The following N4BP2 variants were observed in gnomAD, a reference collection of about 807,000 sequenced individuals.
N4BP2 encodes NEDD4 binding protein 2.
Under a neutral mutation model 152.8 loss-of-function variants are expected in N4BP2, and 91 were observed. The observed-to-expected ratio is 0.60, with a 90% CI of 0.50 to 0.71. N4BP2 has a LOEUF of 0.71. Ranked by LOEUF, N4BP2 falls within the 30% of genes least tolerant of loss-of-function variation. The probability of loss-of-function intolerance (pLI) is 0.00; values close to 1 mark genes in which losing one functional copy is unlikely to be tolerated. For missense variants in N4BP2, 1,923 were observed against 2,059.1 expected, an observed-to-expected ratio of 0.93 and a Z score of 1.28; for synonymous variants, 646 against 705.3, an observed-to-expected ratio of 0.92 and a Z score of 1.33.
intron 7 of N4BP2, among the ~76,000 whole-genome samples, chr4:40,115,787 C>CA (rs1717288449): frequency 6.6e-6 from 1 of 152,032 alleles, no homozygotes; most frequent in African/African-American, 2.4e-5. Context: ...ATTTTTTATA[C>CA]ATTTCATATT....
chr4:40,174,419 A>C, the N4BP2 span, among the ~76,000 whole-genome samples: 1 of 152,142 alleles, frequency 6.6e-6, no homozygotes, highest in Non-Finnish European at 1.5e-5. Context: ...TTACCACCTC[A>C]TGAAGATATC....
At chr4:40,188,545 G>A in the N4BP2 span, among the ~76,000 whole-genome samples, 1 of 151,988 alleles carries the variant, frequency 6.6e-6, no homozygotes, top group African/African-American at 2.4e-5. Context: ...AGGATTTTCC[G>A]ACCAGCCTGG....
chr4:40,181,676 G>A, the N4BP2 span, among the ~76,000 whole-genome samples: 1 of 152,222 alleles, frequency 6.6e-6, no homozygotes, highest in Non-Finnish European at 1.5e-5. Context: ...TCCGGGTGCG[G>A]TGGCTCACGC....
At chr4:40,161,407 ACACAGGTGGAGGGAGAACTTACC>A (rs1721856127), downstream of N4BP2, among the ~76,000 whole-genome samples, 1 of 152,182 alleles carries the variant, frequency 6.6e-6, no homozygotes, top group Non-Finnish European at 1.5e-5. Context: ...AAATAAAACC[ACACAGGTGGAGGGAGAACTTACC>A]CATTGAAACA....
the N4BP2 span, among the ~76,000 whole-genome samples, chr4:40,174,119 C>T: frequency 6.6e-6 from 1 of 152,126 alleles, no homozygotes; most frequent in Non-Finnish European, 1.5e-5. Context: ...TGGCTCATGC[C>T]TAATTCCAGC....
intron 16 of N4BP2, among the ~76,000 whole-genome samples, chr4:40,150,059 C>T (rs924123560): frequency 1.3e-5 from 2 of 152,166 alleles, no homozygotes; most frequent in Non-Finnish European, 2.9e-5. Context: ...TGTCAGTCAC[C>T]ACCAGGTGGC....
At chr4:40,158,524 G>A (rs553262504), downstream of N4BP2, among the ~76,000 whole-genome samples, 55 of 152,078 alleles carry the variant, frequency 3.6e-4, no homozygotes, top group Non-Finnish European at 6.6e-4. Context: ...GAGGCCAGAC[G>A]CGGTGGCTTA....
chr4:40,122,085 C>G lies in N4BP2; in HGVS notation c.3974C>G (p.Ser1325Ter). Residue 1325 changes from serine (S) to a stop codon, truncating the protein, a stop_gained, in exon 9 of 18, where the codon TCA (serine) becomes TGA (stop). Transcript: ENST00000261435. LOFTEE classifies it high-confidence loss of function. Reference sequence around the variant, plus strand: ...TTTCCAAAGGATTATGTGAAATTTTCAGATGAAGAAGAATTTATGAATGAA... The same window carrying G: ...TTTCCAAAGGATTATGTGAAATTTTGAGATGAAGAAGAATTTATGAATGAA... ...ENFPKDYVKFSDEEEFMNEDE... is the reference protein window; with the variant it reads ...ENFPKDYVKF The G allele has an allele frequency of 6.4e-7, 1 of 1,565,184 alleles. No homozygotes were observed. Among genetic ancestry groups the G allele is most frequent in the Non-Finnish European group, 8.7e-7 (1 of 1,153,826 alleles).
chr4:40,104,782 TG>T (rs1475022605), intron 4 of N4BP2, among the ~76,000 whole-genome samples: 5 of 151,158 alleles, frequency 3.3e-5, no homozygotes, highest in African/African-American at 1.2e-4. Flanking sequence ...ACAGGAAGAG[TG>T]TTGAGACATA....
Position 40,121,093 on chromosome 4 carries a change from G to C in N4BP2, c.2982G>C (p.Thr994=), listed in dbSNP as rs149881641. 1.2e-6 allele frequency: 2 copies of C among 1,614,070 alleles called. No individual in the cohort carries two copies. Among genetic ancestry groups the C allele is most frequent in the East Asian group, 4.5e-5 (2 of 44,872 alleles). The part of the protein sequence containing the change: ...PTVSGVVEPQ[T]LAECQEQMPK... The stretch of plus-strand genomic sequence containing the variant: ...TTTCTGGAGTAGTAGAACCACAAAC[G>C]TTAGCTGAATGTCAAGAGCAAATGC... Residue 994 remains threonine, a synonymous_variant, in exon 9 of 18, where the codon ACG becomes ACC. Coordinates refer to ENST00000261435, the MANE Select transcript of N4BP2 (RefSeq NM_018177.6).
rs774622392 is a variant in N4BP2 at position 40,126,117 on chromosome 4, T to C, written c.4331-17T>C. On this transcript the variant is annotated splice_polypyrimidine_tract_variant and intron_variant, in intron 11 of 17. Transcript: ENST00000261435. ...ATTTATTGTTGAGAGTATGACAGTA[T>C]TTATACTACTTTGTAGATCCTTCCT... 1 of 1,495,666 alleles carries C rather than the reference T, an allele frequency of 6.7e-7. No individual in the cohort carries two copies. The highest frequency in any genetic ancestry group is 9.0e-7 in the Non-Finnish European group (1 of 1,109,726). 92.6% of individuals were successfully genotyped at this position (1,495,666 alleles called of 1,614,324 possible).
In N4BP2 at chr4:40,141,069, A is replaced by G. The variant is rs562711079; in HGVS notation, c.4786-1604A>G. 5.8e-3 allele frequency among the ~76,000 whole-genome samples: 876 copies of G among 151,670 alleles called. 10 individuals are homozygous for G. Among genetic ancestry groups the G allele is most frequent in the African/African-American group, 0.02 (844 of 41,364 alleles). On this transcript the variant is annotated intron_variant, in intron 14 of 17. Transcript: ENST00000261435. Reference sequence around the variant, plus strand: ...CCACTTTCTACTCCACAAAACCGCCATTGTCATCATGGCCCGTTCTCAATG... The same window carrying G: ...CCACTTTCTACTCCACAAAACCGCCGTTGTCATCATGGCCCGTTCTCAATG...
At chr4:40,083,490 A>G (rs1358823941) in intron 2 of N4BP2, among the ~76,000 whole-genome samples, 1 of 152,204 alleles carries the variant, frequency 6.6e-6, no homozygotes, top group Non-Finnish European at 1.5e-5. Context: ...ACCATGCAAT[A>G]TTTTCTAGCA....
At chr4:40,065,201 A>G (rs1295712404) in intron 1 of N4BP2, among the ~76,000 whole-genome samples, 1 of 152,212 alleles carries the variant, frequency 6.6e-6, no homozygotes. Flanking sequence ...TAGATAAGGG[A>G]TCACGTCATA....
At chr4:40,175,799 C>T in the N4BP2 span, among the ~76,000 whole-genome samples, 14 of 110,676 alleles carry the variant, frequency 1.3e-4, no homozygotes, top group Admixed American at 3.5e-4. Context: ...AACAGAGACT[C>T]GTCTCAAGAA....
chr4:40,059,780 C>T (rs1168405054), intron 1 of N4BP2, among the ~76,000 whole-genome samples: 1 of 152,220 alleles, frequency 6.6e-6, no homozygotes, highest in Non-Finnish European at 1.5e-5. Context: ...TGTACACACA[C>T]ATGCACACCA....
chr4:40,135,562 C>T (rs990748555), intron 13 of N4BP2, among the ~76,000 whole-genome samples: 9 of 152,088 alleles, frequency 5.9e-5, no homozygotes, highest in Non-Finnish European at 1.2e-4. Context: ...TACAGTCTTT[C>T]TTTCTTTCTT....
At chr4:40,159,864 A>G (rs1418582981), downstream of N4BP2, among the ~76,000 whole-genome samples, 3 of 152,092 alleles carry the variant, frequency 2.0e-5, no homozygotes, top group Non-Finnish European at 1.5e-5. Flanking sequence ...CAAAAAAAGG[A>G]AATCACAGTT....
intron 5 of N4BP2, among the ~76,000 whole-genome samples, chr4:40,109,977 C>T (rs1461678476): frequency 6.6e-6 from 1 of 152,186 alleles, no homozygotes; most frequent in African/African-American, 2.4e-5. Context: ...TTTATCATCT[C>T]AGAAAGATTC....
Sources: gnomAD v4.1 joint callset for allele counts (sites outside exome capture counted in the v4.1 genomes callset) on GRCh38, gnomAD v4.1.1 for gene constraint, MANE v1.5 for transcripts, NCBI Gene and HGNC (gene_info 2026-07-23, HGNC 2026-07-21) for gene names.